The following OLA1 variants were observed in gnomAD, a reference collection of about 807,000 sequenced individuals.
OLA1 encodes obg-like ATPase 1.
Under a neutral mutation model 48.4 loss-of-function variants are expected in OLA1, and 14 were observed. The ratio of observed to expected loss-of-function variants is 0.29; its 90% confidence interval spans 0.19 to 0.45. OLA1 has a LOEUF of 0.45. Among genes scored for constraint, OLA1 ranks in the 20% least tolerant of loss-of-function variants. OLA1 has a pLI of 1.00. For missense variants in OLA1, 325 were observed against 467.1 expected, an observed-to-expected ratio of 0.70 and a Z score of 2.80; for synonymous variants, 127 against 150.4, an observed-to-expected ratio of 0.84 and a Z score of 1.14.
intron 4 of OLA1, among the ~76,000 whole-genome samples, chr2:174,175,951 A>G (rs1687412207): frequency 6.6e-6 from 1 of 152,098 alleles, no homozygotes; most frequent in Admixed American, 6.5e-5. Context: ...TACATACTAT[A>G]TGATACTACA....
chr2:174,143,332 A>AC (rs1229486493), intron 4 of OLA1, among the ~76,000 whole-genome samples: 13 of 152,174 alleles, frequency 8.5e-5, no homozygotes, highest in Admixed American at 6.5e-5. Context: ...GTTTAGGTAA[A>AC]TTTTTTGAAT....
intron 7 of OLA1, among the ~76,000 whole-genome samples, chr2:174,087,495 T>C (rs1443611874): frequency 6.8e-6 from 1 of 147,512 alleles, no homozygotes; most frequent in Non-Finnish European, 1.5e-5. Flanking sequence ...GTCCATTCTA[T>C]AATGTTCTAA....
intron 4 of OLA1, among the ~76,000 whole-genome samples, chr2:174,176,282 T>C (rs1272226995): frequency 6.6e-6 from 1 of 152,160 alleles, no homozygotes; most frequent in East Asian, 1.9e-4. Context: ...AAGTTCAACA[T>C]TATAGGCTGA....
chr2:174,166,152 C>T (rs1355071485), intron 4 of OLA1, among the ~76,000 whole-genome samples: 1 of 151,506 alleles, frequency 6.6e-6, no homozygotes, highest in Non-Finnish European at 1.5e-5. Context: ...CAAATGTCAC[C>T]TCCTATTCCT....
rs918254195 is a variant in OLA1, at chr2:174,072,575, T to C, written c.*2851A>G. On this transcript the variant is annotated 3_prime_UTR_variant, in exon 11 of 11. Coordinates refer to ENST00000284719, the MANE Select transcript of OLA1 (RefSeq NM_013341.5). ...GACATTTCTCAAGTCTCTTGTAAAATAAAAAGAGCATCAAGTGAATTTAAG... is the reference window on the plus strand; with the variant it reads ...GACATTTCTCAAGTCTCTTGTAAAACAAAAAGAGCATCAAGTGAATTTAAG... The C allele has an allele frequency of 1.3e-5, 2 of 152,120 alleles. No homozygotes were observed. The highest frequency in any genetic ancestry group is 2.9e-5 in the Non-Finnish European group (2 of 68,004). 9.4% of individuals were successfully genotyped at this position (152,120 alleles called of 1,614,324 possible).
intron 9 of OLA1, among the ~76,000 whole-genome samples, chr2:174,080,004 A>G (rs2105338529): frequency 6.6e-6 from 1 of 152,164 alleles, no homozygotes; most frequent in Admixed American, 6.6e-5. Flanking sequence ...TAAGTTAGAA[A>G]GTTTTAAGGC....
At chr2:174,076,871 T>C (rs921265876) in intron 10 of OLA1, among the ~76,000 whole-genome samples, 3 of 151,894 alleles carry the variant, frequency 2.0e-5, no homozygotes, top group African/African-American at 7.2e-5. Context: ...ATGCAATGTA[T>C]TGAAGGCCAT....
chr2:174,169,429 TG>T (rs1237459375), intron 4 of OLA1, among the ~76,000 whole-genome samples: 2 of 152,162 alleles, frequency 1.3e-5, no homozygotes, highest in African/African-American at 4.8e-5. Context: ...GAGCAATTCT[TG>T]AAAGAAGCAA....
chr2:174,244,151 C>A (rs1299274709), intron 2 of OLA1, among the ~76,000 whole-genome samples: 2 of 152,176 alleles, frequency 1.3e-5, no homozygotes, highest in Admixed American at 1.3e-4. Flanking sequence ...TTCCAATAAA[C>A]CTCTTTTTCC....
chr2:174,167,371 T>A (rs771643702), intron 4 of OLA1, among the ~76,000 whole-genome samples: 1 of 151,722 alleles, frequency 6.6e-6, no homozygotes, highest in Admixed American at 6.6e-5. Flanking sequence ...AGGTCAGGAG[T>A]TCAAGACCAG....
rs1183672480 is a variant in OLA1 at position 174,219,420 on chromosome 2, TC to T, written c.373+3612del. On this transcript the variant is annotated intron_variant, in intron 4 of 10. Coordinates refer to ENST00000284719, the MANE Select transcript of OLA1 (RefSeq NM_013341.5). The stretch of plus-strand genomic sequence containing the variant: ...TATTGGCAACTTACTCCATTTTATT[TC>T]CCTTTTTTTTTTTTTTTTTTTTTTT... 1.4e-3 allele frequency among the ~76,000 whole-genome samples: 202 copies of T among 145,480 alleles called. 3 individuals are homozygous for T. Among genetic ancestry groups the T allele is most frequent in the African/African-American group, 4.8e-3 (189 of 39,320 alleles).
chr2:174,102,579 G>C (rs964541234), intron 7 of OLA1, among the ~76,000 whole-genome samples: 1 of 151,898 alleles, frequency 6.6e-6, no homozygotes, highest in African/African-American at 2.4e-5. Context: ...CCAAAATGAA[G>C]GTCATATAGT....
At chr2:174,127,281 C>T (rs1326704016) in intron 5 of OLA1, among the ~76,000 whole-genome samples, 2 of 152,188 alleles carry the variant, frequency 1.3e-5, no homozygotes, top group Non-Finnish European at 2.9e-5. Flanking sequence ...GTCTTCCTTA[C>T]TGCTTTTATA....
intron 7 of OLA1, among the ~76,000 whole-genome samples, chr2:174,099,608 A>G (rs1685344408): frequency 6.6e-6 from 1 of 152,208 alleles, no homozygotes; most frequent in East Asian, 1.9e-4. Flanking sequence ...TTCCTTTGCT[A>G]CTATCCCCAT....
chr2:174,103,994 C>T (rs1011049650), intron 7 of OLA1, among the ~76,000 whole-genome samples: 1 of 151,910 alleles, frequency 6.6e-6, no homozygotes, highest in Non-Finnish European at 1.5e-5. Context: ...CTGAGATTTC[C>T]GTAGACATAG....
chr2:174,090,494 G>A (rs1022129914), intron 7 of OLA1, among the ~76,000 whole-genome samples: 6 of 152,222 alleles, frequency 3.9e-5, no homozygotes, highest in Non-Finnish European at 8.8e-5. Flanking sequence ...GAGGGGGCAT[G>A]TGAACCAGTT....
chr2:174,139,878 AAAG>A (rs1313908034), intron 5 of OLA1, among the ~76,000 whole-genome samples: 15 of 142,654 alleles, frequency 1.1e-4, no homozygotes, highest in African/African-American at 2.3e-4. Context: ...AAAAAAAAAA[AAAG>A]AAAGAAAGAA....
chr2:174,176,386 A>G (rs1254862980), intron 4 of OLA1, among the ~76,000 whole-genome samples: 1 of 152,194 alleles, frequency 6.6e-6, no homozygotes, highest in East Asian at 1.9e-4. Flanking sequence ...TGAATTTCAA[A>G]AATTATTTTG....
At position 174,232,177 on chromosome 2, in the gene OLA1, A is replaced by G. The variant is rs530632382; in HGVS notation, c.102-2726T>C. On this transcript the variant is annotated intron_variant, in intron 2 of 10. Transcript: ENST00000284719. ...AGGACCTACATACTTTATTTTGGAA[A>G]TTACTATTTTACTCTGTTAAGTCAA... is the stretch of plus-strand genomic sequence containing the variant. Among the ~76,000 whole-genome samples, 12 of 152,298 alleles carry G rather than the reference A, an allele frequency of 7.9e-5. 1 individual carries two copies. In the South Asian group the frequency reaches 1.0e-3, roughly 13 times the overall value.
Sources: allele counts gnomAD v4.1 joint callset (sites outside exome capture counted in the v4.1 genomes callset), GRCh38; gene constraint gnomAD v4.1.1; transcripts MANE v1.5; gene names NCBI Gene and HGNC (gene_info 2026-07-23, HGNC 2026-07-21).